The following DPP10 variants were observed in gnomAD, a reference collection of about 807,000 sequenced individuals.
The protein encoded by DPP10 is inactive dipeptidyl peptidase 10.
In DPP10, 33 loss-of-function variants were observed where a neutral mutation model predicts 120.9. The ratio of observed to expected loss-of-function variants is 0.27; its 90% CI spans 0.21 to 0.37. The LOEUF (loss-of-function observed/expected upper bound fraction) is 0.37, where lower values mean the gene tolerates loss of function less well. Among genes scored for constraint, DPP10 ranks in the 10% least tolerant of loss-of-function variants. The pLI is 1.00. For missense variants in DPP10, 816 were observed against 942.8 expected (o/e 0.87, Z 1.76); for synonymous variants, 337 against 326.1 (o/e 1.03, Z -0.36).
chr2:115,669,261 A>G (rs566081646), intron 5 of DPP10, among the ~76,000 whole-genome samples: 63 of 152,244 alleles, frequency 4.1e-4, no homozygotes, highest in African/African-American at 1.4e-3. Flanking sequence ...ATGATGTTTT[A>G]TTGTATTTAA....
At chr2:115,410,888 T>C (rs1485053397) in intron 3 of DPP10, among the ~76,000 whole-genome samples, 1 of 152,232 alleles carries the variant, frequency 6.6e-6, no homozygotes, top group South Asian at 2.1e-4. Flanking sequence ...ATCACTTGTA[T>C]TGATATTTTG....
chr2:115,035,685 G>T lies in DPP10; in HGVS notation c.61-273554G>T, dbSNP rs549349281. On this transcript the variant is annotated intron_variant, in intron 1 of 25. Coordinates refer to ENST00000410059, the MANE Select transcript of DPP10 (RefSeq NM_020868.6). The stretch of plus-strand genomic sequence containing the variant: ...ACATTTATACCCCAAATATAAATTG[G>T]TAGGAATTCTCTAAACCATTCAGTG... 1.9e-3 allele frequency among the ~76,000 whole-genome samples: 296 copies of T among 152,188 alleles called. 1 individual carries two copies. The highest frequency in any genetic ancestry group is 3.4e-3 in the Middle Eastern group (1 of 294).
intron 1 of DPP10, among the ~76,000 whole-genome samples, chr2:115,049,649 T>A (rs546208609): frequency 3.8e-4 from 58 of 152,322 alleles, no homozygotes; most frequent in Non-Finnish European, 7.8e-4. Context: ...GTACTCCGTA[T>A]CTGAATCTTT....
intron 12 of DPP10, 128 bp downstream of exon 12, chr2:115,762,738 TC>T: frequency 9.5e-7 from 1 of 1,049,122 alleles, no homozygotes; most frequent in Non-Finnish European, 1.4e-6. Flanking sequence ...TGATCCTTTT[TC>T]ATTAAAAGGA....
intron 1 of DPP10, among the ~76,000 whole-genome samples, chr2:115,030,570 T>C (rs1703769195): frequency 6.6e-6 from 1 of 152,172 alleles, no homozygotes; most frequent in Admixed American, 6.6e-5. Flanking sequence ...GCTGCATAGA[T>C]CATCCGATCA....
chr2:115,465,470 C>A (rs895244888), intron 3 of DPP10, among the ~76,000 whole-genome samples: 1 of 152,142 alleles, frequency 6.6e-6, no homozygotes, highest in Non-Finnish European at 1.5e-5. Flanking sequence ...TATTGAATAT[C>A]CTTGCCCAAC....
At chr2:115,802,526 G>T (rs1386117416) in intron 19 of DPP10, among the ~76,000 whole-genome samples, 1 of 152,108 alleles carries the variant, frequency 6.6e-6, no homozygotes, top group South Asian at 2.1e-4. Flanking sequence ...TGATGTTAGG[G>T]TGTCAATTTT....
At chr2:114,861,955 CAAT>C (rs986181784) in intron 1 of DPP10, among the ~76,000 whole-genome samples, 1 of 151,984 alleles carries the variant, frequency 6.6e-6, no homozygotes, top group African/African-American at 2.4e-5. Flanking sequence ...AAAAACAAAA[CAAT>C]GAGTGAATAA....
intron 1 of DPP10, among the ~76,000 whole-genome samples, chr2:115,081,161 T>C (rs764875246): frequency 2.6e-5 from 4 of 152,218 alleles, no homozygotes; most frequent in Non-Finnish European, 5.9e-5. Context: ...TGCAGATTAC[T>C]GTCTTTCAGA....
At chr2:115,135,554 C>T (rs1405919555) in intron 1 of DPP10, among the ~76,000 whole-genome samples, 3 of 152,126 alleles carry the variant, frequency 2.0e-5, no homozygotes, top group Non-Finnish European at 4.4e-5. Context: ...TGTTAAAACA[C>T]TGTTCATAAT....
intron 2 of DPP10, among the ~76,000 whole-genome samples, chr2:115,327,248 G>A (rs946318421): frequency 2.0e-5 from 3 of 151,984 alleles, no homozygotes; most frequent in African/African-American, 7.2e-5. Flanking sequence ...TTTAGCATCT[G>A]GGTTTGTGTA....
chr2:115,774,416 G>T lies in DPP10; in HGVS notation c.1222-2792G>T, dbSNP rs114546563. On this transcript the variant is annotated intron_variant, in intron 13 of 25. Coordinates refer to ENST00000410059, the MANE Select transcript of DPP10 (RefSeq NM_020868.6). ...TAAAACCTTGAAATTTTAGTATCCTGTCCTTGGCTCATTCAAAGCAGGGCC... is the reference window on the plus strand; with the variant it reads ...TAAAACCTTGAAATTTTAGTATCCTTTCCTTGGCTCATTCAAAGCAGGGCC... 2.0e-5 allele frequency among the ~76,000 whole-genome samples: 3 copies of T among 152,078 alleles called. No homozygotes were observed. In the South Asian group the frequency reaches 6.2e-4, roughly 32 times the overall value.
chr2:115,208,205 C>CTTT (rs72174314), intron 1 of DPP10, among the ~76,000 whole-genome samples: 3 of 123,480 alleles, frequency 2.4e-5, no homozygotes, highest in Admixed American at 8.3e-5. Flanking sequence ...TTTTTTTTTT[C>CTTT]TTTTTTTTTT....
intron 1 of DPP10, among the ~76,000 whole-genome samples, chr2:114,611,610 T>A (rs1693294588): frequency 6.6e-6 from 1 of 152,258 alleles, no homozygotes; most frequent in African/African-American, 2.4e-5. Flanking sequence ...TTTATGCCAA[T>A]GGATACATTT....
intron 1 of DPP10, among the ~76,000 whole-genome samples, chr2:114,789,343 C>T (rs1004529399): frequency 2.0e-5 from 3 of 152,114 alleles, no homozygotes; most frequent in African/African-American, 7.2e-5. Context: ...AACTATTTCC[C>T]GAGCAATATG....
intron 1 of DPP10, among the ~76,000 whole-genome samples, chr2:115,222,979 G>C (rs1052215776): frequency 6.6e-6 from 1 of 152,096 alleles, no homozygotes; most frequent in African/African-American, 2.4e-5. Flanking sequence ...ATATTTATAA[G>C]ACTATTTGTA....
rs777007923 is a variant in DPP10, at chr2:114,911,526, T to C, written c.61-397713T>C. On this transcript the variant is annotated intron_variant, in intron 1 of 25. Coordinates refer to ENST00000410059, the MANE Select transcript of DPP10 (RefSeq NM_020868.6). ...AAGGTTCATAAGCTGGGTATCATCA[T>C]GGAGAATAGAAAAATACAGGTATCT... is the stretch of plus-strand genomic sequence containing the variant. Among the ~76,000 whole-genome samples the C allele has an allele frequency of 8.5e-5, 13 of 152,160 alleles. 1 individual carries two copies. Among genetic ancestry groups the C allele is most frequent in the Non-Finnish European group, 1.3e-4 (9 of 68,026 alleles).
At chr2:115,173,230 A>G (rs2053477872) in intron 1 of DPP10, among the ~76,000 whole-genome samples, 1 of 152,208 alleles carries the variant, frequency 6.6e-6, no homozygotes, top group Non-Finnish European at 1.5e-5. Context: ...CTAATATGGA[A>G]TCACAGATGG....
chr2:115,594,648 C>T (rs543550706), intron 5 of DPP10, among the ~76,000 whole-genome samples: 1 of 152,214 alleles, frequency 6.6e-6, no homozygotes, highest in East Asian at 1.9e-4. Context: ...TGCTTTCAAG[C>T]ATGCCTATCC....
Sources: allele counts gnomAD v4.1 joint callset (sites outside exome capture counted in the v4.1 genomes callset), GRCh38; gene constraint gnomAD v4.1.1; transcripts MANE v1.5; gene names NCBI Gene and HGNC (gene_info 2026-07-23, HGNC 2026-07-21).